Variants in CAMSAP2 observed in about 807,000 individuals in gnomAD.
CAMSAP2 encodes the protein calmodulin-regulated spectrin-associated protein 2.
A neutral mutation model predicts 146.1 loss-of-function variants in CAMSAP2; 26 were observed. That is an observed-to-expected ratio of 0.18 (90% CI 0.13 to 0.25). The LOEUF is 0.25. CAMSAP2 is among the 10% of genes least tolerant of loss of function. The pLI is 1.00. For synonymous variants in CAMSAP2, 499 were observed against 596.6 expected, an observed-to-expected ratio of 0.84 and a Z score of 2.38; for missense variants, 1,381 against 1,759.3, an observed-to-expected ratio of 0.78 and a Z score of 3.85.
chr1:200,825,616 T>G (rs1430771091), intron 4 of CAMSAP2, among the ~76,000 whole-genome samples: 47 of 151,736 alleles, frequency 3.1e-4, no homozygotes. Flanking sequence ...AAGCGATTCT[T>G]CTGCCTCAGC....
intron 3 of CAMSAP2, among the ~76,000 whole-genome samples, chr1:200,814,378 G>A: frequency 6.6e-6 from 1 of 151,948 alleles, no homozygotes; most frequent in South Asian, 2.1e-4. Context: ...AGGCCGAGGT[G>A]GGTGGATCAC....
In CAMSAP2 at chr1:200,806,765, G is replaced by C. The variant is rs201790460; in HGVS notation, c.400-611G>C. Among the ~76,000 whole-genome samples the C allele has an allele frequency of 6.0e-3, 836 of 140,202 alleles. 4 individuals carry two copies. The highest frequency in any genetic ancestry group is 0.025 in the Middle Eastern group (7 of 280). The allele number at this position is 140,202 out of a possible 152,430, so 92.0% of individuals were successfully genotyped here. ...TAATTGTGTGTGTGTGTGTGTGTGT[G>C]TATCTATCTATCTATCTATCTATCT... On this transcript the variant is annotated intron_variant, in intron 2 of 16. Transcript: ENST00000358823.
chr1:200,791,635 C>G (rs1406836168), intron 2 of CAMSAP2, among the ~76,000 whole-genome samples: 1 of 152,106 alleles, frequency 6.6e-6, no homozygotes, highest in African/African-American at 2.4e-5. Context: ...TATTTACAGT[C>G]TTATTCCTGT....
chr1:200,843,910 T>C (rs1277791256), intron 7 of CAMSAP2, among the ~76,000 whole-genome samples: 1 of 152,004 alleles, frequency 6.6e-6, no homozygotes. Flanking sequence ...CTCGCTCTGT[T>C]GCCCAGGCTG....
At position 200,848,727 on chromosome 1, in the gene CAMSAP2, G is replaced by T. The variant is rs748956832; in HGVS notation, c.1958G>T (p.Arg653Leu). ...ASKFLQDYDI[R>L]TGNTREALSP... is the part of the protein sequence containing the mutation. ...AAATTTCTTCAGGATTATGATATTC[G>T]AACTGGCAACACCAGGGAAGCTTTG... The change falls in exon 11 of 17, where the codon CGA becomes CTA. Residue 653 changes from arginine to leucine, a missense_variant. Arg to Leu is a moderately radical substitution (Grantham distance 102, BLOSUM62 -2). Coordinates refer to ENST00000358823, the MANE Select transcript of CAMSAP2 (RefSeq NM_203459.4). 5.0e-6 allele frequency: 8 copies of T among 1,614,076 alleles called. No homozygotes were observed. The South Asian group carries it at 7.7e-5, about 16-fold the overall frequency.
intron 3 of CAMSAP2, among the ~76,000 whole-genome samples, chr1:200,814,373 G>A (rs950465739): frequency 1.3e-5 from 2 of 151,856 alleles, no homozygotes; most frequent in African/African-American, 4.8e-5. Flanking sequence ...TTGGGAGGCC[G>A]AGGTGGGTGG....
In CAMSAP2 at chr1:200,853,885, C is replaced by T. The variant is rs962592456; in HGVS notation, c.3823+390C>T. ...TGCAAGATCAAGAGTTCACAAGTCCCTCCTTCAAGATAGAAATGGTTGAAA... is the reference window on the plus strand; with the variant it reads ...TGCAAGATCAAGAGTTCACAAGTCCTTCCTTCAAGATAGAAATGGTTGAAA... On this transcript the variant is annotated intron_variant, in intron 13 of 16. Coordinates refer to ENST00000358823, the MANE Select transcript of CAMSAP2 (RefSeq NM_203459.4). This position sits in a 1 kb window ranked among gnomAD's most constrained non-coding sequence, Gnocchi z 5.1. 5.9e-5 allele frequency among the ~76,000 whole-genome samples: 9 copies of T among 152,178 alleles called. No homozygotes were observed. The highest frequency in any genetic ancestry group is 1.9e-4 in the African/African-American group (8 of 41,434).
At chr1:200,808,823 A>G (rs1004731306) in intron 3 of CAMSAP2, among the ~76,000 whole-genome samples, 6 of 152,220 alleles carry the variant, frequency 3.9e-5, no homozygotes, top group African/African-American at 1.2e-4. Context: ...TCACAATCTT[A>G]TTGGACTTCA....
chr1:200,857,361 T>C lies in CAMSAP2; in HGVS notation c.4068T>C (p.Asn1356=), dbSNP rs2102271661. The C allele has an allele frequency of 6.2e-7, 1 of 1,613,768 alleles. No homozygotes were observed. The highest frequency in any genetic ancestry group is 8.5e-7 in the Non-Finnish European group (1 of 1,179,798). ...SAKSNKHIIQ[N]ALAHCCLAGK... ...AATCCAATAAGCACATAATACAAAA[T>C]GCTTTAGCTCATTGCTGTTTGGCTG... The change falls in exon 16 of 17, where the codon AAT becomes AAC. Residue 1356 remains asparagine, a synonymous_variant. Transcript: ENST00000358823. This position sits in a 1 kb window ranked among gnomAD's most constrained non-coding sequence, Gnocchi z 4.7.
chr1:200,778,866 AT>A (rs1322803752), intron 2 of CAMSAP2, among the ~76,000 whole-genome samples: 2 of 151,776 alleles, frequency 1.3e-5, no homozygotes, highest in Non-Finnish European at 2.9e-5. Flanking sequence ...GGTCCAAGCC[AT>A]TTTTTTTGCA....
At chr1:200,806,848 A>G (rs1558185609) in intron 2 of CAMSAP2, among the ~76,000 whole-genome samples, 2 of 151,852 alleles carry the variant, frequency 1.3e-5, no homozygotes, top group East Asian at 1.9e-4. Flanking sequence ...CAAAGGCTAG[A>G]AGTCCTGTTC....
chr1:200,762,168 C>G (rs1196378863), intron 2 of CAMSAP2, among the ~76,000 whole-genome samples: 1 of 152,082 alleles, frequency 6.6e-6, no homozygotes, highest in Admixed American at 6.6e-5. Flanking sequence ...TTTATAAAAT[C>G]TATTACTAAA....
chr1:200,817,110 G>A (rs1436399182), intron 4 of CAMSAP2, among the ~76,000 whole-genome samples: 5 of 141,848 alleles, frequency 3.5e-5, no homozygotes, highest in Non-Finnish European at 7.8e-5. Flanking sequence ...ATACACACAC[G>A]TGTGTGTATA....
At chr1:200,771,834 C>A (rs765007292) in intron 2 of CAMSAP2, among the ~76,000 whole-genome samples, 3 of 152,146 alleles carry the variant, frequency 2.0e-5, no homozygotes, top group African/African-American at 7.2e-5. Context: ...GCTGAAATAC[C>A]GGTGCTGCTC....
At chr1:200,809,796 T>TTTATTTC (rs1224157227) in intron 3 of CAMSAP2, among the ~76,000 whole-genome samples, 1 of 152,158 alleles carries the variant, frequency 6.6e-6, no homozygotes, top group Non-Finnish European at 1.5e-5. Context: ...TGAAAAGGAA[T>TTTATTTC]TTATTTCTTA....
Position 200,810,897 on chromosome 1 carries a change from A to C in CAMSAP2, c.561+3360A>C, listed in dbSNP as rs139707669. Among the ~76,000 whole-genome samples, 163 of 152,234 alleles carry C rather than the reference A, an allele frequency of 1.1e-3. 4 individuals are homozygous for C. In the East Asian group the frequency reaches 0.021, roughly 19 times the overall value. On this transcript the variant is annotated intron_variant, in intron 3 of 16. Coordinates refer to ENST00000358823, the MANE Select transcript of CAMSAP2 (RefSeq NM_203459.4). ...AAGCAAAACTCCATCTCAAAAAAAAACCAAAAAACAGACTTGCTCTAGTGT... is the reference window on the plus strand; with the variant it reads ...AAGCAAAACTCCATCTCAAAAAAAACCCAAAAAACAGACTTGCTCTAGTGT...
At chr1:200,840,557 C>G (rs1401097394) in intron 6 of CAMSAP2, among the ~76,000 whole-genome samples, 1 of 152,200 alleles carries the variant, frequency 6.6e-6, no homozygotes, top group Non-Finnish European at 1.5e-5. Context: ...AGCCACTGCG[C>G]CCAGCCTCTT....
At chr1:200,810,344 C>T (rs1223116229) in intron 3 of CAMSAP2, among the ~76,000 whole-genome samples, 2 of 152,208 alleles carry the variant, frequency 1.3e-5, no homozygotes, top group Admixed American at 1.3e-4. Context: ...CTTTGGGAGG[C>T]CCAGGCAGGC....
chr1:200,775,360 G>A (rs1665241969), intron 2 of CAMSAP2, among the ~76,000 whole-genome samples: 1 of 152,220 alleles, frequency 6.6e-6, no homozygotes, highest in Non-Finnish European at 1.5e-5. Context: ...GCCAAAGCAA[G>A]TGAAGCTCTA....
Sources: gnomAD v4.1 joint callset for allele counts (sites outside exome capture counted in the v4.1 genomes callset) on GRCh38, gnomAD v4.1.1 for gene constraint, Gnocchi (gnomAD v3.1) non-coding constraint, MANE v1.5 for transcripts, NCBI Gene and HGNC (gene_info 2026-07-23, HGNC 2026-07-21) for gene names.